PITPNM1: variants seen among roughly 807,000 people sequenced by gnomAD.
The protein encoded by PITPNM1 is phosphatidylinositol transfer protein membrane associated 1, also known as membrane-associated phosphatidylinositol transfer protein 1.
PITPNM1 carries 74 observed loss-of-function variants against 133.3 expected under a neutral mutation model. The ratio of observed to expected loss-of-function variants is 0.56; its 90% CI spans 0.46 to 0.67. The LOEUF (loss-of-function observed/expected upper bound fraction) is 0.67, where lower values mean the gene tolerates loss of function less well. PITPNM1 is among the 30% of genes least tolerant of loss of function. The pLI, the probability that PITPNM1 is intolerant of heterozygous loss-of-function variation, is 0.00. For missense variants in PITPNM1, 1,398 were observed against 1,739.5 expected, an observed-to-expected ratio of 0.80 and a Z score of 3.49; for synonymous variants, 738 against 741.4, an observed-to-expected ratio of 1.00 and a Z score of 0.08.
In PITPNM1 at chr11:67,498,619, G is replaced by A. The variant is rs61749182; in HGVS notation, c.1461C>T (p.Ala487=). The change falls in exon 10 of 24, where the codon GCC becomes GCT. Residue 487 remains alanine (A), a synonymous_variant. Coordinates refer to ENST00000356404, the MANE Select transcript of PITPNM1 (RefSeq NM_004910.3). This position sits in a 1 kb window ranked among gnomAD's most constrained non-coding sequence, Gnocchi z 5.7. The stretch of plus-strand genomic sequence containing the variant: ...ACTTGGAGACAAGGGCATAGGCGGC[G>A]GCGCAGATGGGTGGACAGGGCACCA... ...LRLVPCPPIC[A]AAYALVSNLS... is the part of the protein sequence containing the mutation. 24,636 of 1,597,906 alleles carry A rather than the reference G, an allele frequency of 0.015. 235 individuals are homozygous for A. The highest frequency in any genetic ancestry group is 0.018 in the Non-Finnish European group (21,679 of 1,179,578).
chr11:67,498,458 T>G lies in PITPNM1; in HGVS notation c.1485-136A>C. 3.2e-5 allele frequency: 46 copies of G among 1,434,268 alleles called. No individual in the cohort carries two copies. Among genetic ancestry groups the G allele is most frequent in the Non-Finnish European group, 4.3e-5 (46 of 1,068,104 alleles). 88.8% of individuals were successfully genotyped at this position (1,434,268 alleles called of 1,614,324 possible). On this transcript the variant is annotated intron_variant, in intron 10 of 23. Coordinates refer to ENST00000356404, the MANE Select transcript of PITPNM1 (RefSeq NM_004910.3). The surrounding 1 kb of genome is among the most constrained non-coding windows in gnomAD (Gnocchi z 5.7). ...CGTTAGCCCCAAGAGGCAACTGAAATGGAGCCATTCTCCAGAACAGGTCCA... is the reference window on the plus strand; with the variant it reads ...CGTTAGCCCCAAGAGGCAACTGAAAGGGAGCCATTCTCCAGAACAGGTCCA...
At position 67,496,260 on chromosome 11, in the gene PITPNM1, G is replaced by A; in HGVS notation, c.2235C>T (p.Ala745=). 2 of 1,560,642 alleles carry A rather than the reference G, an allele frequency of 1.3e-6. No homozygotes were observed. The highest frequency in any genetic ancestry group is 1.7e-6 in the Non-Finnish European group (2 of 1,161,006). ...PCASRLEPLL[A]PKFQAIAPLT... ...GTGGGGCGATGGCCTGGAACTTCGGGGCCAGCAGGGGCTCGAGGCGTGAGG... is the reference window on the plus strand; with the variant it reads ...GTGGGGCGATGGCCTGGAACTTCGGAGCCAGCAGGGGCTCGAGGCGTGAGG... The change falls in exon 15 of 24, where the codon GCC becomes GCT. Residue 745 remains alanine (A), a synonymous_variant. Transcript: ENST00000356404.
chr11:67,492,317 C>A, intron 23 of PITPNM1, 21 bp from the exon 24 acceptor site: 2 of 1,532,610 alleles, frequency 1.3e-6, no homozygotes, highest in South Asian at 1.3e-5. Context: ...AGGTAGGCAG[C>A]GATGAGGGGG....
In PITPNM1 at chr11:67,494,227, G is replaced by A; in HGVS notation, c.2859+17C>T. Reference sequence around the variant, plus strand: ...ATGGGGCCATGGGACCAGGCGACAGGGCCTCTGGGTCCTGACCTTCTCTCC... The same window carrying A: ...ATGGGGCCATGGGACCAGGCGACAGAGCCTCTGGGTCCTGACCTTCTCTCC... On this transcript the variant is annotated intron_variant, in intron 19 of 23. Coordinates refer to ENST00000356404, the MANE Select transcript of PITPNM1 (RefSeq NM_004910.3). 3 of 1,606,552 alleles carry A rather than the reference G, an allele frequency of 1.9e-6. No individual in the cohort carries two copies. The highest frequency in any genetic ancestry group is 2.2e-5 in the East Asian group (1 of 44,846).
chr11:67,501,658 G>A (rs1214790942), intron 5 of PITPNM1, among the ~76,000 whole-genome samples: 1 of 152,198 alleles, frequency 6.6e-6, no homozygotes, highest in Non-Finnish European at 1.5e-5. Flanking sequence ...AGCCAGTATG[G>A]ACCTTGTAGA....
chr11:67,492,198 G>T lies in PITPNM1; in HGVS notation c.3570C>A (p.Ser1190Arg). 6.2e-7 allele frequency: 1 copy of T among 1,611,246 alleles called. No individual in the cohort carries two copies. The change falls in exon 24 of 24, where the codon AGC becomes AGA. Residue 1190 changes from serine to arginine, a missense_variant. By Grantham distance (110) the Ser-to-Arg change is moderately radical (BLOSUM62 -1). Coordinates refer to ENST00000356404, the MANE Select transcript of PITPNM1 (RefSeq NM_004910.3). Reference sequence around the variant, plus strand: ...CCACGGGGGCAGCCACACCATAGCTGCTCTTGCCCAAGGCAGCTCTCGGGG... The same window carrying T: ...CCACGGGGGCAGCCACACCATAGCTTCTCTTGCCCAAGGCAGCTCTCGGGG... ...SGPPRAALGK[S>R]SYGVAAPVDF...
chr11:67,500,447 GC>G lies in PITPNM1; in HGVS notation c.641-27del, dbSNP rs781222367. ...CTGCAGGTGCCCAGGCGTCAGAACT[GC>G]CCCCTCCCCCTGCTTCCCTGCCACC... On this transcript the variant is annotated intron_variant, in intron 5 of 23. Transcript: ENST00000356404. 1.1e-5 allele frequency: 18 copies of G among 1,585,450 alleles called. No homozygotes were observed. The South Asian group carries it at 1.9e-4, about 17-fold the overall frequency.
chr11:67,494,916 T>G lies in PITPNM1; in HGVS notation c.2672A>C (p.Glu891Ala). ...KERPQLAECE[E>A]PSIYSPAFPR... ...GAAGGCCGGGCTGTAGATGGACGGC[T>G]CCTCGCATTCCGCCAGCTGTGGCCG... Residue 891 changes from glutamate (E) to alanine (A), a missense_variant, in exon 18 of 24, where the codon GAG (glutamate) becomes GCG (alanine). Physicochemically the swap from Glu to Ala is moderately radical, Grantham distance 107. Around this residue, in one of 5 missense-constraint regions of PITPNM1, gnomAD observed 574 missense variants for 698.7 expected, o/e 0.82. Transcript: ENST00000356404. 1 of 1,612,856 alleles carries G rather than the reference T, an allele frequency of 6.2e-7. No individual in the cohort carries two copies. The highest frequency in any genetic ancestry group is 8.5e-7 in the Non-Finnish European group (1 of 1,179,808).
At chr11:67,494,190 C>A in intron 19 of PITPNM1, 54 bp downstream of exon 19, 1 of 1,588,062 alleles carries the variant, frequency 6.3e-7, no homozygotes, top group South Asian at 1.1e-5. Context: ...GGAGCTGTTC[C>A]GAGGACAGGA....
intron 23 of PITPNM1, 135 bp from the exon 24 acceptor site, chr11:67,492,431 C>A: frequency 1.1e-6 from 1 of 895,138 alleles, no homozygotes; most frequent in Admixed American, 3.1e-5. Context: ...CTGAAGCCTT[C>A]TCAATAGATA....
Position 67,494,973 on chromosome 11 carries a change from G to A in PITPNM1, c.2632-17C>T, listed in dbSNP as rs1866067891. On this transcript the variant is annotated splice_polypyrimidine_tract_variant and intron_variant, in intron 17 of 23. Transcript: ENST00000356404. ...CTCGATCACCTGCACGGGACAGGGGGCGAGGCCTCTGTCTCTTAGGGGAGG... is the reference window on the plus strand; with the variant it reads ...CTCGATCACCTGCACGGGACAGGGGACGAGGCCTCTGTCTCTTAGGGGAGG... 1 of 1,608,436 alleles carries A rather than the reference G, an allele frequency of 6.2e-7. No homozygotes were observed. Among genetic ancestry groups the A allele is most frequent in the African/African-American group, 1.3e-5 (1 of 74,946 alleles).
At chr11:67,496,831 G>T (rs1039951634) in intron 14 of PITPNM1, 1 of 188,298 alleles carries the variant, frequency 5.3e-6, no homozygotes, top group Non-Finnish European at 1.1e-5. Context: ...CCAGTTACTT[G>T]GGATGCTGAG....
At position 67,495,148 on chromosome 11, in the gene PITPNM1, C is replaced by A; in HGVS notation, c.2560G>T (p.Val854Phe). 6.2e-7 allele frequency: 1 copy of A among 1,612,412 alleles called. No individual in the cohort carries two copies. Among genetic ancestry groups the A allele is most frequent in the Non-Finnish European group, 8.5e-7 (1 of 1,179,870 alleles). The stretch of plus-strand genomic sequence containing the variant: ...GCGTGGAAGAGGTGGGGCAGCGTGA[C>A]GGTGGGAAAGGCGGTGAGCGCCTCG... ...CPEALTAFPT[V>F]TLPHLFHASY... Residue 854 changes from valine to phenylalanine, a missense_variant, in exon 17 of 24, where the codon GTC becomes TTC. Transcript: ENST00000356404.
At chr11:67,493,093 AG>A (rs1490785114) in intron 22 of PITPNM1, 31 bp from the exon 23 acceptor site, 2 of 1,612,086 alleles carry the variant, frequency 1.2e-6, no homozygotes, top group Non-Finnish European at 1.7e-6. Context: ...CAGCCGCCCC[AG>A]GGGTGGAGCC....
chr11:67,493,594 C>T lies in PITPNM1; in HGVS notation c.3159-1G>A. ...CAGGTAGCCGGAGTCCTGCCAGTGC[C>T]TGTGGGGCGGGGGCAGCGGTCAGCT... On this transcript the variant is annotated splice_acceptor_variant, in intron 21 of 23. Coordinates refer to ENST00000356404, the MANE Select transcript of PITPNM1 (RefSeq NM_004910.3). LOFTEE classifies it high-confidence loss of function. 6.5e-7 allele frequency: 1 copy of T among 1,548,180 alleles called. No individual in the cohort carries two copies. The highest frequency in any genetic ancestry group is 8.7e-7 in the Non-Finnish European group (1 of 1,145,082).
rs950050098 is a variant in PITPNM1, at chr11:67,494,181, G to A, written c.2859+63C>T. ...TAGGGGCACAACCACCAGGGACCAGGAGCTGTTCCGAGGACAGGAGATGGG... is the reference window on the plus strand; with the variant it reads ...TAGGGGCACAACCACCAGGGACCAGAAGCTGTTCCGAGGACAGGAGATGGG... On this transcript the variant is annotated intron_variant, in intron 19 of 23. Coordinates refer to ENST00000356404, the MANE Select transcript of PITPNM1 (RefSeq NM_004910.3). 19 of 1,575,564 alleles carry A rather than the reference G, an allele frequency of 1.2e-5. No individual in the cohort carries two copies. The African/African-American group carries it at 1.6e-4, about 13-fold the overall frequency.
Position 67,500,199 on chromosome 11 carries a change from G to C in PITPNM1, c.863C>G (p.Pro288Arg). Reference sequence around the variant, plus strand: ...GCCTGGGGGGGCCTCAGGCCCATCGGGGGTGCCAGTGTTGCTGGCCGCAGA... The same window carrying C: ...GCCTGGGGGGGCCTCAGGCCCATCGCGGGTGCCAGTGTTGCTGGCCGCAGA... Reference protein sequence around the residue: ...ARSAASNTGTPDGPEAPPGPD... With the variant: ...ARSAASNTGTRDGPEAPPGPD... The change falls in exon 6 of 24, where the codon CCC becomes CGC. Residue 288 changes from proline (P) to arginine (R), a missense_variant. This residue lies in a region of PITPNM1 where 195 missense variants were observed against 178.8 expected (regional missense o/e 1.09). Transcript: ENST00000356404. 2 of 1,603,700 alleles carry C rather than the reference G, an allele frequency of 1.2e-6. No individual in the cohort carries two copies. Among genetic ancestry groups the C allele is most frequent in the East Asian group, 4.5e-5 (2 of 44,856 alleles).
At position 67,494,043 on chromosome 11, in the gene PITPNM1, G is replaced by A. The variant is rs1866025337; in HGVS notation, c.2887C>T (p.Leu963=). The part of the protein sequence containing the change: ...KVDVYIMTQP[L]SGKWIHFGTE... ...CCAAAGTGGATCCACTTGCCCGACA[G>A]CGGCTGCGTCATGATGTAGACATCC... is the stretch of plus-strand genomic sequence containing the variant. Residue 963 remains leucine, a synonymous_variant, in exon 20 of 24, where the codon CTG becomes TTG. Coordinates refer to ENST00000356404, the MANE Select transcript of PITPNM1 (RefSeq NM_004910.3). 1 of 1,609,556 alleles carries A rather than the reference G, an allele frequency of 6.2e-7. No individual in the cohort carries two copies. The highest frequency in any genetic ancestry group is 1.7e-5 in the Admixed American group (1 of 59,604).
chr11:67,500,892 GT>G (rs1429052434), intron 5 of PITPNM1, among the ~76,000 whole-genome samples: 3 of 152,242 alleles, frequency 2.0e-5, no homozygotes, highest in Non-Finnish European at 4.4e-5. Flanking sequence ...AGAAGAAAAA[GT>G]TAGAAACTCT....
Sources: allele counts gnomAD v4.1 joint callset (sites outside exome capture counted in the v4.1 genomes callset), GRCh38; gene constraint gnomAD v4.1.1; regional missense constraint gnomAD v4.1.1; non-coding constraint Gnocchi (gnomAD v3.1); transcripts MANE v1.5; gene names NCBI Gene and HGNC (gene_info 2026-07-23, HGNC 2026-07-21).